The following ASIC2 variants were observed in gnomAD, a reference collection of about 807,000 sequenced individuals.
The protein encoded by ASIC2 is acid sensing ion channel subunit 2, also known as acid-sensing ion channel 2.
Under a neutral mutation model 57.3 loss-of-function variants are expected in ASIC2, and 25 were observed. The ratio of observed to expected loss-of-function variants is 0.44; its 90% confidence interval spans 0.32 to 0.61. The LOEUF is 0.61. Among genes scored for constraint, ASIC2 ranks in the 20% least tolerant of loss-of-function variants. The probability of loss-of-function intolerance (pLI) is 0.06; values close to 1 mark genes in which losing one functional copy is unlikely to be tolerated. For missense variants in ASIC2, 641 were observed against 738.1 expected (o/e 0.87, Z 1.52); for synonymous variants, 319 against 307.5 (o/e 1.04, Z -0.39).
intron 1 of ASIC2, among the ~76,000 whole-genome samples, chr17:33,764,112 T>C (rs1910863477): frequency 6.6e-6 from 1 of 152,028 alleles, no homozygotes; most frequent in African/African-American, 2.4e-5. Context: ...GCCAACATGG[T>C]GAAACCCTGT....
At position 33,666,546 on chromosome 17, in the gene ASIC2, C is replaced by T. The variant is rs576558090; in HGVS notation, c.555+489432G>A. Among the ~76,000 whole-genome samples, 19 of 152,290 alleles carry T rather than the reference C, an allele frequency of 1.2e-4. No homozygotes were observed. In the South Asian group the frequency reaches 3.7e-3, roughly 30 times the overall value. ...TGCCTGTCCAGGTCATCTTGATCAT[C>T]CCATTATCAGAACTGCTGGAGGAAT... On this transcript the variant is annotated intron_variant, in intron 1 of 9. Transcript: ENST00000359872.
intron 3 of ASIC2, among the ~76,000 whole-genome samples, chr17:33,082,227 G>C (rs1231750200): frequency 2.0e-5 from 3 of 152,108 alleles, no homozygotes; most frequent in African/African-American, 4.8e-5. Context: ...CAATAACGTT[G>C]GTGGGCCAAC....
intron 1 of ASIC2, among the ~76,000 whole-genome samples, chr17:33,307,069 C>T (rs1398838178): frequency 1.3e-5 from 2 of 152,190 alleles, no homozygotes; most frequent in Non-Finnish European, 2.9e-5. Context: ...GCCCCATCCA[C>T]CTACAAGACT....
At position 34,137,390 on chromosome 17, in the gene ASIC2, T is replaced by C. The variant is rs1054894055; in HGVS notation, c.555+18588A>G. Among the ~76,000 whole-genome samples, 15 of 152,348 alleles carry C rather than the reference T, an allele frequency of 9.8e-5. 1 individual carries two copies. The highest frequency in any genetic ancestry group is 3.1e-4 in the African/African-American group (13 of 41,570). On this transcript the variant is annotated intron_variant, in intron 1 of 9. Coordinates refer to the ASIC2 transcript ENST00000359872. Reference sequence around the variant, plus strand: ...ACTGAATTATATTTTCCCAGGAAGGTAGCTTTAAATCCATCAACTGAAATC... The same window carrying C: ...ACTGAATTATATTTTCCCAGGAAGGCAGCTTTAAATCCATCAACTGAAATC...
At chr17:33,902,808 T>C (rs1220105729) in intron 1 of ASIC2, among the ~76,000 whole-genome samples, 1 of 152,202 alleles carries the variant, frequency 6.6e-6, no homozygotes, top group African/African-American at 2.4e-5. Flanking sequence ...AAGAGTAAGA[T>C]TAGAAATTCA....
chr17:33,134,318 C>T lies in ASIC2; in HGVS notation c.709-22251G>A, dbSNP rs1389569769. ...CGTTCCTTTTCACCAGTGCTCTCTG[C>T]TCCCCTGCTGTAATACCTGCCCTCC... On this transcript the variant is annotated intron_variant, in intron 1 of 9. Transcript: ENST00000225823. Among the ~76,000 whole-genome samples, 5 of 152,162 alleles carry T rather than the reference C, an allele frequency of 3.3e-5. No homozygotes were observed. The East Asian group carries it at 9.6e-4, about 29-fold the overall frequency.
chr17:34,085,428 G>C (rs888363115), intron 1 of ASIC2, among the ~76,000 whole-genome samples: 10 of 152,188 alleles, frequency 6.6e-5, no homozygotes, highest in Non-Finnish European at 1.2e-4. Context: ...TGTGCTGCTG[G>C]ATTCGGTTTG....
intron 1 of ASIC2, among the ~76,000 whole-genome samples, chr17:33,207,397 T>C (rs554188375): frequency 6.6e-6 from 1 of 152,298 alleles, no homozygotes; most frequent in East Asian, 1.9e-4. Flanking sequence ...ATACCCACAA[T>C]TCATTTGCAC....
chr17:33,665,280 A>G (rs1907433914), intron 1 of ASIC2, among the ~76,000 whole-genome samples: 1 of 152,210 alleles, frequency 6.6e-6, no homozygotes, highest in Non-Finnish European at 1.5e-5. Flanking sequence ...ATAAATGCAT[A>G]TACATATTTC....
chr17:33,811,927 A>C (rs140886222), intron 1 of ASIC2, among the ~76,000 whole-genome samples: 1 of 152,290 alleles, frequency 6.6e-6, no homozygotes, highest in East Asian at 1.9e-4. Flanking sequence ...TCATTCTTCA[A>C]GACCTAGTTT....
intron 1 of ASIC2, among the ~76,000 whole-genome samples, chr17:33,311,087 C>T (rs572029751): frequency 6.6e-6 from 1 of 152,248 alleles, no homozygotes; most frequent in East Asian, 1.9e-4. Context: ...ACTCCAGTTC[C>T]ATCCTAGGCT....
At chr17:33,719,668 G>A (rs1902838546) in intron 1 of ASIC2, among the ~76,000 whole-genome samples, 1 of 152,210 alleles carries the variant, frequency 6.6e-6, no homozygotes, top group South Asian at 2.1e-4. Flanking sequence ...TTTGAAGTTG[G>A]ATTTAGCTAG....
intron 1 of ASIC2, among the ~76,000 whole-genome samples, chr17:33,763,574 T>G (rs1296223705): frequency 1.3e-5 from 2 of 152,178 alleles, no homozygotes; most frequent in East Asian, 3.8e-4. Context: ...CAAACTTAGG[T>G]GCACCCAAGT....
chr17:34,047,078 A>C (rs548227810), intron 1 of ASIC2, among the ~76,000 whole-genome samples: 2 of 152,290 alleles, frequency 1.3e-5, no homozygotes, highest in East Asian at 3.9e-4. Context: ...GGTATTCATT[A>C]ATGTCTTATA....
chr17:34,123,424 G>T (rs918871550), intron 1 of ASIC2, among the ~76,000 whole-genome samples: 5 of 152,136 alleles, frequency 3.3e-5, no homozygotes, highest in Non-Finnish European at 5.9e-5. Flanking sequence ...ACCAGGGAGG[G>T]AGAGGGGCCA....
rs771624171 is a variant in ASIC2 at position 33,898,220 on chromosome 17, C to CTTTTTTTTTTTTT, written c.555+257745_555+257757dup. Among the ~76,000 whole-genome samples, 158 of 66,186 alleles carry CTTTTTTTTTTTTT rather than the reference C, an allele frequency of 2.4e-3. 37 individuals are homozygous for CTTTTTTTTTTTTT. Among genetic ancestry groups the CTTTTTTTTTTTTT allele is most frequent in the Non-Finnish European group, 2.8e-3 (100 of 36,094 alleles). The allele number at this position is 66,186 out of a possible 152,430, so 43.4% of individuals were successfully genotyped here. ...AAACTGCCCAGAGTTCATGTATAAT[C>CTTTTTTTTTTTTT]TTTTTTTTTTTTTTTTTTTTTTTTT... On this transcript the variant is annotated intron_variant, in intron 1 of 9. Coordinates refer to the ASIC2 transcript ENST00000359872.
intron 1 of ASIC2, among the ~76,000 whole-genome samples, chr17:33,724,169 G>A (rs568835918): frequency 1.3e-5 from 2 of 152,186 alleles, no homozygotes; most frequent in Non-Finnish European, 2.9e-5. Context: ...CTCTCTTGCC[G>A]GCTGCCATAT....
chr17:33,476,947 G>A (rs1016739213), intron 1 of ASIC2, among the ~76,000 whole-genome samples: 1 of 151,968 alleles, frequency 6.6e-6, no homozygotes, highest in African/African-American at 2.4e-5. Flanking sequence ...TATTTTTGGA[G>A]ACCAAAAACA....
At chr17:33,531,239 C>A (rs990251239) in intron 1 of ASIC2, among the ~76,000 whole-genome samples, 1 of 151,986 alleles carries the variant, frequency 6.6e-6, no homozygotes, top group Admixed American at 6.6e-5. Flanking sequence ...CCTGGCAGAA[C>A]CAGGTGCCAC....
Sources: gnomAD v4.1 joint callset for allele counts (sites outside exome capture counted in the v4.1 genomes callset) on GRCh38, gnomAD v4.1.1 for gene constraint, MANE v1.5 for transcripts, NCBI Gene and HGNC (gene_info 2026-07-23, HGNC 2026-07-21) for gene names.